Variants in USH2A observed in about 807,000 individuals in gnomAD.
The protein encoded by USH2A is usherin, also known as Usher syndrome 2A (autosomal recessive, mild).
A neutral mutation model predicts 538.9 loss-of-function variants in USH2A; 443 were observed. The observed-to-expected ratio is 0.82, with a 90% confidence interval of 0.76 to 0.89. The LOEUF is 0.89. USH2A is among the 40% of genes least tolerant of loss of function. USH2A has a pLI of 0.00. For missense variants in USH2A, 6,633 were observed against 6,324.8 expected, an observed-to-expected ratio of 1.05 and a Z score of -1.65; for synonymous variants, 2,413 against 2,273.5, an observed-to-expected ratio of 1.06 and a Z score of -1.75.
intron 21 of USH2A, among the ~76,000 whole-genome samples, chr1:216,123,880 A>G (rs952869108): frequency 3.3e-5 from 5 of 152,132 alleles, no homozygotes; most frequent in Admixed American, 1.3e-4. Context: ...ACTGAATAGA[A>G]CCTAGTCATA....
chr1:216,014,357 G>A (rs773259711), intron 32 of USH2A, among the ~76,000 whole-genome samples: 1 of 152,168 alleles, frequency 6.6e-6, no homozygotes, highest in African/African-American at 2.4e-5. Flanking sequence ...AATTCTTTGA[G>A]AGTGAAGCCA....
intron 20 of USH2A, among the ~76,000 whole-genome samples, chr1:216,178,614 G>A (rs1034499073): frequency 2.6e-5 from 4 of 152,174 alleles, no homozygotes; most frequent in African/African-American, 9.6e-5. Context: ...ATTCCCTAGG[G>A]TTTTGGGACA....
intron 58 of USH2A, among the ~76,000 whole-genome samples, chr1:215,743,617 A>G (rs1360653307): frequency 6.6e-6 from 1 of 151,308 alleles, no homozygotes; most frequent in African/African-American, 2.4e-5. Context: ...TCACAAGGTC[A>G]GGAGATGGAG....
intron 21 of USH2A, chr1:216,174,705 CAATGTTCTTCATAG>C: frequency 1.0e-6 from 1 of 987,064 alleles, no homozygotes; most frequent in Non-Finnish European, 1.2e-6. Flanking sequence ...GTTTTCCCCA[CAATGTTCTTCATAG>C]AACATGAGAT....
chr1:215,725,856 A>G (rs1324737355), intron 61 of USH2A, among the ~76,000 whole-genome samples: 1 of 152,166 alleles, frequency 6.6e-6, no homozygotes, highest in Admixed American at 6.5e-5. Flanking sequence ...TTAGTGTGAT[A>G]AAAATAGAGC....
In USH2A at chr1:216,422,555, C is replaced by T. The variant is rs1162064882; in HGVS notation, c.-204-15G>A. On this transcript the variant is annotated splice_polypyrimidine_tract_variant and intron_variant, in intron 1 of 71. Transcript: ENST00000307340. Reference sequence around the variant, plus strand: ...GCTGCTGGTATCTGGGAATCAAAAACGTAGGGCGTCAAGGGAAAGCTGCTG... The same window carrying T: ...GCTGCTGGTATCTGGGAATCAAAAATGTAGGGCGTCAAGGGAAAGCTGCTG... 4 of 583,026 alleles carry T rather than the reference C, an allele frequency of 6.9e-6. No individual in the cohort carries two copies. The highest frequency in any genetic ancestry group is 3.1e-5 in the Admixed American group (1 of 32,082). 36.1% of individuals were successfully genotyped at this position (583,026 alleles called of 1,614,324 possible).
chr1:216,353,260 A>G (rs1220778260), intron 4 of USH2A, among the ~76,000 whole-genome samples: 1 of 152,112 alleles, frequency 6.6e-6, no homozygotes, highest in Non-Finnish European at 1.5e-5. Context: ...TAAGGGGTAT[A>G]CACTAATCAA....
chr1:215,743,422 A>G lies in USH2A; in HGVS notation c.11390-87T>C, dbSNP rs1358981472. ...TGTGTGTGTGTGTGTGTGTGTATAT[A>G]TATATAGACACACATATATATATAA... On this transcript the variant is annotated intron_variant, in intron 58 of 71. Transcript: ENST00000307340. 2.1e-4 allele frequency: 73 copies of G among 353,548 alleles called. 3 individuals are homozygous for G. Among genetic ancestry groups the G allele is most frequent in the African/African-American group, 1.2e-3 (39 of 31,222 alleles). The allele number at this position is 353,548 out of a possible 1,614,324, so 21.9% of individuals were successfully genotyped here. A position where few individuals can be genotyped will look rare whatever the true frequency, so the allele number is the denominator to read the frequency against.
intron 16 of USH2A, chr1:216,201,685 T>G (rs1558314466): frequency 4.9e-6 from 1 of 204,184 alleles, no homozygotes; most frequent in Non-Finnish European, 1.1e-5. Context: ...CCTCCGCTGG[T>G]GTTGTGGGGG....
rs182637774 is a variant in USH2A, at chr1:215,629,713, C to G, written c.15298-678G>C. ...GATAAACTATAGTTGCTCTAAATATCTGAGGGCTCTGATTTAGCTGGTCCA... is the reference window on the plus strand; with the variant it reads ...GATAAACTATAGTTGCTCTAAATATGTGAGGGCTCTGATTTAGCTGGTCCA... On this transcript the variant is annotated intron_variant, in intron 70 of 71. Transcript: ENST00000307340. 1.1e-4 allele frequency among the ~76,000 whole-genome samples: 16 copies of G among 151,492 alleles called. No homozygotes were observed. The East Asian group carries it at 2.1e-3, about 20-fold the overall frequency.
At chr1:215,953,052 A>G (rs868759173) in intron 37 of USH2A, among the ~76,000 whole-genome samples, 1 of 152,180 alleles carries the variant, frequency 6.6e-6, no homozygotes, top group African/African-American at 2.4e-5. Flanking sequence ...CCACTGCTCA[A>G]TGAAATAAAA....
At position 215,709,342 on chromosome 1, in the gene USH2A, A is replaced by T. The variant is rs1571975421; in HGVS notation, c.12066+18688T>A. Among the ~76,000 whole-genome samples, 3 of 152,344 alleles carry T rather than the reference A, an allele frequency of 2.0e-5. No homozygotes were observed. In the East Asian group the frequency reaches 5.8e-4, roughly 29 times the overall value. ...ACTAGTACATATTTTATAATTTACA[A>T]ATAAGTAAATATACATATTATGCAG... On this transcript the variant is annotated intron_variant, in intron 61 of 71. Coordinates refer to ENST00000307340, the MANE Select transcript of USH2A (RefSeq NM_206933.4).
At chr1:216,117,885 T>C (rs1183911937) in intron 21 of USH2A, among the ~76,000 whole-genome samples, 1 of 151,544 alleles carries the variant, frequency 6.6e-6, no homozygotes, top group East Asian at 1.9e-4. Flanking sequence ...TATATAGATA[T>C]ATATATGCAT....
At chr1:216,171,987 A>T (rs1262672739) in intron 21 of USH2A, among the ~76,000 whole-genome samples, 1 of 152,100 alleles carries the variant, frequency 6.6e-6, no homozygotes, top group Non-Finnish European at 1.5e-5. Flanking sequence ...AGGAAGCAAA[A>T]ATAGGTCCCA....
chr1:216,240,013 C>CAAAAAAAAAAAAAAAAAA (rs55691066), intron 13 of USH2A, among the ~76,000 whole-genome samples: 17 of 112,278 alleles, frequency 1.5e-4, no homozygotes, highest in African/African-American at 2.3e-4. Flanking sequence ...ATGAAATAAA[C>CAAAAAAAAAAAAAAAAAA]AAAAAAAAAA....
intron 37 of USH2A, among the ~76,000 whole-genome samples, chr1:215,950,525 G>A (rs1408341510): frequency 9.6e-6 from 1 of 103,754 alleles, no homozygotes. Flanking sequence ...TTTTTTTTCT[G>A]AGACAGAGTC....
At chr1:216,141,954 G>GAAA (rs112639803) in intron 21 of USH2A, among the ~76,000 whole-genome samples, 12 of 131,582 alleles carry the variant, frequency 9.1e-5, no homozygotes, top group Non-Finnish European at 1.1e-4. Context: ...ATTAGGAAAT[G>GAAA]AAAAAAAAAA....
intron 37 of USH2A, 131 bp downstream of exon 37, chr1:215,965,186 G>T (rs1667307747): frequency 2.9e-6 from 3 of 1,047,718 alleles, no homozygotes; most frequent in Non-Finnish European, 4.1e-6. Flanking sequence ...TATCCGTATA[G>T]GTTATTTTCA....
At chr1:215,759,933 T>A in intron 56 of USH2A, 90 bp from the exon 57 acceptor site, 1 of 1,486,968 alleles carries the variant, frequency 6.7e-7, no homozygotes, top group Non-Finnish European at 9.4e-7. Context: ...AACTGTGATA[T>A]TTTTTCTGTT....
Sources: gnomAD v4.1 joint callset for allele counts (sites outside exome capture counted in the v4.1 genomes callset) on GRCh38, gnomAD v4.1.1 for gene constraint, MANE v1.5 for transcripts, NCBI Gene and HGNC (gene_info 2026-07-23, HGNC 2026-07-21) for gene names.